SNAP91: variants seen among roughly 807,000 people sequenced by gnomAD.
The protein encoded by SNAP91 is clathrin coat assembly protein AP180.
SNAP91 carries 27 observed loss-of-function variants against 100.3 expected under a neutral mutation model. The ratio of observed to expected loss-of-function variants is 0.27; its 90% confidence interval spans 0.20 to 0.37. The LOEUF (loss-of-function observed/expected upper bound fraction) is 0.37. Ranked by LOEUF, SNAP91 falls within the 10% of genes least tolerant of loss-of-function variation. The probability of loss-of-function intolerance (pLI) is 1.00; values close to 1 mark genes in which losing one functional copy is unlikely to be tolerated. For synonymous variants in SNAP91, 404 were observed against 398.6 expected, an observed-to-expected ratio of 1.01 and a Z score of -0.16; for missense variants, 986 against 1,123.7, an observed-to-expected ratio of 0.88 and a Z score of 1.75.
chr6:83,646,603 T>C (rs1318662777), intron 7 of SNAP91, among the ~76,000 whole-genome samples: 1 of 152,218 alleles, frequency 6.6e-6, no homozygotes, highest in African/African-American at 2.4e-5. Context: ...TTGATTACTG[T>C]AGTATTACAG....
intron 3 of SNAP91, among the ~76,000 whole-genome samples, chr6:83,663,709 T>A (rs2098609777): frequency 1.3e-5 from 2 of 152,132 alleles, no homozygotes; most frequent in African/African-American, 4.8e-5. Context: ...GAAGTGCTGA[T>A]GAAGAAGCTG....
chr6:83,581,441 G>C (rs1005303353), intron 23 of SNAP91, among the ~76,000 whole-genome samples: 12 of 152,250 alleles, frequency 7.9e-5, no homozygotes, highest in African/African-American at 2.9e-4. Flanking sequence ...AATACAGAAA[G>C]TCCATTCAAA....
intron 2 of SNAP91, among the ~76,000 whole-genome samples, chr6:83,680,526 T>C (rs1043378164): frequency 4.6e-5 from 7 of 152,166 alleles, no homozygotes; most frequent in African/African-American, 7.2e-5. Flanking sequence ...GCAATCTGTT[T>C]TATTCTATTA....
Position 83,665,542 on chromosome 6 carries a change from G to A in SNAP91, c.170C>T (p.Pro57Leu), listed in dbSNP as rs1414469028. The A allele has an allele frequency of 6.2e-7, 1 of 1,612,110 alleles. No homozygotes were observed. Among genetic ancestry groups the A allele is most frequent in the Non-Finnish European group, 8.5e-7 (1 of 1,179,016 alleles). The change falls in exon 3 of 30, where the codon CCT becomes CTT. Residue 57 changes from proline (P) to leucine (L), a missense_variant. By Grantham distance (98) the Pro-to-Leu change is moderately conservative. Around this residue, in one of 4 missense-constraint regions of SNAP91, gnomAD observed 330 missense variants for 447.5 expected, o/e 0.74. Transcript: ENST00000369694. ...CTCAAAGAGAGTGTCGGCCATCTGA[G>A]GAATATTAACATTGGTCTCGTTGGT... Reference protein sequence around the residue: ...QATNETNVNIPQMADTLFERA... With the variant: ...QATNETNVNILQMADTLFERA...
intron 28 of SNAP91, among the ~76,000 whole-genome samples, chr6:83,557,465 C>T (rs1180098307): frequency 4.0e-5 from 6 of 151,662 alleles, no homozygotes; most frequent in Admixed American, 1.3e-4. Context: ...GCCAGGAGTT[C>T]GAGGCCACCC....
intron 2 of SNAP91, among the ~76,000 whole-genome samples, chr6:83,692,182 C>A (rs189443935): frequency 6.6e-6 from 1 of 152,096 alleles, no homozygotes; most frequent in African/African-American, 2.4e-5. Context: ...CCTCTAATAA[C>A]GATAATTTAT....
upstream of SNAP91, chr6:83,709,287 C>CGGGGAGAAGAAGGA (rs2099422000): frequency 6.6e-6 from 1 of 152,216 alleles, no homozygotes. Context: ...CCCGGCAAGC[C>CGGGGAGAAGAAGGA]GGCGGGGAGA....
intron 22 of SNAP91, among the ~76,000 whole-genome samples, chr6:83,590,779 T>C (rs1053454535): frequency 3.3e-5 from 5 of 152,136 alleles, no homozygotes; most frequent in African/African-American, 1.2e-4. Flanking sequence ...AAAGGAAACA[T>C]GTTGGCTGAA....
chr6:83,610,107 T>A (rs1386081609), intron 12 of SNAP91, among the ~76,000 whole-genome samples: 1 of 152,046 alleles, frequency 6.6e-6, no homozygotes, highest in Admixed American at 6.6e-5. Flanking sequence ...CACTTCTGGG[T>A]ATATACCCCC....
chr6:83,661,028 T>C (rs1310689773), intron 5 of SNAP91, among the ~76,000 whole-genome samples: 1 of 152,134 alleles, frequency 6.6e-6, no homozygotes, highest in African/African-American at 2.4e-5. Flanking sequence ...GGCTGTTCTT[T>C]AACTCCTGAG....
At chr6:83,677,083 G>A (rs1397512093) in intron 2 of SNAP91, among the ~76,000 whole-genome samples, 1 of 152,150 alleles carries the variant, frequency 6.6e-6, no homozygotes, top group Non-Finnish European at 1.5e-5. Context: ...AGCCGTGCTT[G>A]TATCTAGTTC....
chr6:83,629,841 TTTCG>T (rs2097134609), intron 8 of SNAP91, among the ~76,000 whole-genome samples: 1 of 152,072 alleles, frequency 6.6e-6, no homozygotes, highest in East Asian at 1.9e-4. Flanking sequence ...TTGGATGCCA[TTTCG>T]TACTCTTGTT....
At chr6:83,605,655 G>A in intron 14 of SNAP91, 30 bp downstream of exon 14, 1 of 1,550,122 alleles carries the variant, frequency 6.5e-7, no homozygotes, top group Non-Finnish European at 8.7e-7. Context: ...AATGAATAGA[G>A]AAATGGCAAG....
chr6:83,692,077 G>C (rs916045946), intron 2 of SNAP91, among the ~76,000 whole-genome samples: 1 of 152,148 alleles, frequency 6.6e-6, no homozygotes, highest in Non-Finnish European at 1.5e-5. Context: ...GATAAGCCCA[G>C]AGCAGCTGAG....
chr6:83,622,579 A>G (rs2096772809), intron 9 of SNAP91, among the ~76,000 whole-genome samples: 1 of 152,090 alleles, frequency 6.6e-6, no homozygotes, highest in South Asian at 2.1e-4. Flanking sequence ...GTTAAATAAC[A>G]TGTTTGGGAT....
Position 83,576,006 on chromosome 6 carries a change from A to C in SNAP91, c.2330+17T>G. 1 of 1,375,952 alleles carries C rather than the reference A, an allele frequency of 7.3e-7. No homozygotes were observed. The highest frequency in any genetic ancestry group is 1.3e-5 in the South Asian group (1 of 74,674). The allele number at this position is 1,375,952 out of a possible 1,614,324, so 85.2% of individuals were successfully genotyped here. ...ATATACCATCAAAAGGAAATCACAT[A>C]ATTTCCAAACACTTACTTTTTTGTT... On this transcript the variant is annotated intron_variant, in intron 25 of 29. Coordinates refer to ENST00000369694, the MANE Select transcript of SNAP91 (RefSeq NM_001242792.2).
intron 2 of SNAP91, chr6:83,678,872 A>G: frequency 8.0e-7 from 1 of 1,243,444 alleles, no homozygotes; most frequent in Non-Finnish European, 1.0e-6. Flanking sequence ...CAAGGAATAC[A>G]ACTTTAGTTC....
chr6:83,622,035 TAAAG>T lies in SNAP91; in HGVS notation c.807+1262_807+1265del, dbSNP rs2096750039. Among the ~76,000 whole-genome samples the T allele has an allele frequency of 3.3e-5, 5 of 152,252 alleles. No homozygotes were observed. The South Asian group carries it at 1.0e-3, about 32-fold the overall frequency. On this transcript the variant is annotated intron_variant, in intron 9 of 29. Coordinates refer to ENST00000369694, the MANE Select transcript of SNAP91 (RefSeq NM_001242792.2). ...GTTACAAAGATAAATCTATATCTAA[TAAAG>T]AGATTTTTAGTGGCACTTTATGCAC...
At chr6:83,561,023 AAAG>A in intron 26 of SNAP91, 76 bp from the exon 27 acceptor site, 1 of 930,214 alleles carries the variant, frequency 1.1e-6, no homozygotes, top group Non-Finnish European at 1.6e-6. Flanking sequence ...AAACAAACAA[AAAG>A]AACAATATAA....
Sources: allele counts gnomAD v4.1 joint callset (sites outside exome capture counted in the v4.1 genomes callset), GRCh38; gene constraint gnomAD v4.1.1; regional missense constraint gnomAD v4.1.1; transcripts MANE v1.5; gene names NCBI Gene and HGNC (gene_info 2026-07-23, HGNC 2026-07-21).